The following COL8A1 variants were observed in gnomAD, a reference collection of about 807,000 sequenced individuals.
COL8A1 encodes collagen type VIII alpha 1 chain, also known as collagen alpha-1(VIII) chain.
COL8A1 carries 21 observed loss-of-function variants against 42.7 expected under a neutral mutation model. The ratio of observed to expected loss-of-function variants is 0.49; its 90% CI spans 0.35 to 0.71. The LOEUF is 0.71. COL8A1 is among the 30% of genes least tolerant of loss of function. The pLI is 0.01. For synonymous variants in COL8A1, 367 were observed against 369.1 expected, an observed-to-expected ratio of 0.99 and a Z score of 0.06; for missense variants, 788 against 962.4, an observed-to-expected ratio of 0.82 and a Z score of 2.40.
intron 1 of COL8A1, among the ~76,000 whole-genome samples, chr3:99,737,591 G>C (rs1576456714): frequency 1.3e-5 from 2 of 152,278 alleles, no homozygotes; most frequent in East Asian, 3.9e-4. Flanking sequence ...TCTGCCAAGA[G>C]ATCCGCTGTC....
intron 2 of COL8A1, among the ~76,000 whole-genome samples, chr3:99,780,419 GCACTGGGCTT>G (rs1244128961): frequency 6.6e-6 from 1 of 151,990 alleles, no homozygotes; most frequent in African/African-American, 2.4e-5. Context: ...CTTCCTTTAG[GCACTGGGCTT>G]CTACAACCCC....
chr3:99,791,518 T>C (rs1487668644), intron 3 of COL8A1, among the ~76,000 whole-genome samples: 5 of 152,218 alleles, frequency 3.3e-5, no homozygotes, highest in Non-Finnish European at 7.3e-5. Context: ...ATTACATATG[T>C]CAATCAATAG....
chr3:99,654,194 C>T (rs545325252), intron 1 of COL8A1, among the ~76,000 whole-genome samples: 10 of 152,222 alleles, frequency 6.6e-5, no homozygotes, highest in African/African-American at 2.2e-4. Flanking sequence ...CACCTTCTTC[C>T]GCCTGCTTTA....
chr3:99,646,879 A>G (rs1937654730), intron 1 of COL8A1, among the ~76,000 whole-genome samples: 1 of 152,338 alleles, frequency 6.6e-6, no homozygotes, highest in East Asian at 1.9e-4. Context: ...CTCACATACA[A>G]TACAGGGTTT....
chr3:99,796,134 T>TAAAAACAA lies in COL8A1; in HGVS notation c.*11_*18dup, dbSNP rs1318120744. On this transcript the variant is annotated frameshift_variant and stop_retained_variant, in exon 4 of 4. Transcript: ENST00000652472. LOFTEE classifies it high-confidence loss of function. ...TTCAGGATATTTATTGTATCCCATGTAAAAACAAAAAAACAAAAAACAAAG... is the reference window on the plus strand; with the variant it reads ...TTCAGGATATTTATTGTATCCCATGTAAAAACAAAAAAACAAAAAAACAAAAAACAAAG... 6.8e-7 allele frequency: 1 copy of TAAAAACAA among 1,463,294 alleles called. No individual in the cohort carries two copies. The highest frequency in any genetic ancestry group is 9.1e-7 in the Non-Finnish European group (1 of 1,102,486). The allele number at this position is 1,463,294 out of a possible 1,614,324, so 90.6% of individuals were successfully genotyped here.
intron 2 of COL8A1, among the ~76,000 whole-genome samples, chr3:99,760,996 C>A (rs1170955956): frequency 2.0e-5 from 3 of 152,002 alleles, no homozygotes; most frequent in Admixed American, 6.6e-5. Context: ...AAAATAGGAG[C>A]CAGATGAATT....
intron 1 of COL8A1, chr3:99,680,265 G>A (rs1267136412): frequency 2.6e-5 from 4 of 152,330 alleles, no homozygotes; most frequent in South Asian, 2.1e-4. Context: ...CTGTCTTTGC[G>A]ATAGTTTGCT....
chr3:99,798,618 A>ATATG lies in COL8A1; in HGVS notation c.*2483_*2484insATGT, dbSNP rs1414332316. Reference sequence around the variant, plus strand: ...CTCAATTGCCTATATATATATATATATGTGTGTGTGTGTGTGTGTGCGCGT... The same window carrying ATATG: ...CTCAATTGCCTATATATATATATATATATGTGTGTGTGTGTGTGTGTGTGCGCGT... On this transcript the variant is annotated 3_prime_UTR_variant, in exon 4 of 4. Transcript: ENST00000652472. 1.4e-5 allele frequency: 2 copies of ATATG among 141,152 alleles called. No individual in the cohort carries two copies. The highest frequency in any genetic ancestry group is 5.6e-5 in the African/African-American group (2 of 35,740). 8.7% of individuals were successfully genotyped at this position (141,152 alleles called of 1,614,324 possible). A position where few individuals can be genotyped will look rare whatever the true frequency, so the allele number is the denominator to read the frequency against.
intron 2 of COL8A1, among the ~76,000 whole-genome samples, chr3:99,766,625 A>T (rs1389581875): frequency 1.3e-5 from 2 of 152,126 alleles, no homozygotes; most frequent in Non-Finnish European, 2.9e-5. Flanking sequence ...ATTGGACTTG[A>T]CTCTCAGAAG....
At chr3:99,713,792 A>C (rs1183754442) in intron 1 of COL8A1, among the ~76,000 whole-genome samples, 1 of 152,248 alleles carries the variant, frequency 6.6e-6, no homozygotes, top group East Asian at 1.9e-4. Context: ...TGTGAAAAAA[A>C]AAATACAATT....
Position 99,794,905 on chromosome 3 carries a change from A to T in COL8A1, c.1004A>T (p.Glu335Val). The change falls in exon 4 of 4, where the codon GAG (glutamate) becomes GTG (valine). Residue 335 changes from glutamate (E) to valine (V), a missense_variant. Glu to Val is a moderately radical substitution (Grantham distance 121). Transcript: ENST00000652472. The surrounding 1 kb of genome is among the most constrained non-coding windows in gnomAD (Gnocchi z 4.3). The stretch of plus-strand genomic sequence containing the variant: ...CCAGGATTTCCAGGTGGCAAAGGGG[A>T]GCAAGGACTGCCAGGGCTACCAGGA... ...GQPGFPGGKGEQGLPGLPGPP... is the reference protein window; with the variant it reads ...GQPGFPGGKGVQGLPGLPGPP... 1 of 1,601,656 alleles carries T rather than the reference A, an allele frequency of 6.2e-7. No individual in the cohort carries two copies. Among genetic ancestry groups the T allele is most frequent in the Non-Finnish European group, 8.5e-7 (1 of 1,174,592 alleles).
At chr3:99,643,474 A>G (rs2107280994) in intron 1 of COL8A1, among the ~76,000 whole-genome samples, 1 of 152,346 alleles carries the variant, frequency 6.6e-6, no homozygotes, top group South Asian at 2.1e-4. Context: ...CTAAGTATAA[A>G]ATATCCATTT....
intron 1 of COL8A1, among the ~76,000 whole-genome samples, chr3:99,717,185 G>A (rs1011034370): frequency 6.6e-6 from 1 of 151,982 alleles, no homozygotes; most frequent in Non-Finnish European, 1.5e-5. Flanking sequence ...ATATTTATAT[G>A]AGGGGTTATT....
intron 2 of COL8A1, 76 bp from the exon 3 acceptor site, chr3:99,790,600 CCCCA>C: frequency 1.8e-6 from 2 of 1,125,132 alleles, no homozygotes; most frequent in Admixed American, 2.5e-5. Flanking sequence ...CCTTTTTTTT[CCCCA>C]TTCTATCTCT....
At position 99,795,352 on chromosome 3, in the gene COL8A1, A is replaced by G. The variant is rs1942082348; in HGVS notation, c.1451A>G (p.Glu484Gly). 2.5e-6 allele frequency: 4 copies of G among 1,590,550 alleles called. No homozygotes were observed. The highest frequency in any genetic ancestry group is 3.4e-6 in the Non-Finnish European group (4 of 1,168,078). The change falls in exon 4 of 4, where the codon GAG becomes GGG. Residue 484 changes from glutamate (E) to glycine (G), a missense_variant. By Grantham distance (98) the Glu-to-Gly change is moderately conservative. Around this residue, in one of 4 missense-constraint regions of COL8A1, gnomAD observed 154 missense variants for 182.3 expected, o/e 0.84. Transcript: ENST00000652472. ...GVPGLLGPKG[E>G]PGIPGDQGLQ... ...CCAGGGCTTCTCGGACCTAAGGGAG[A>G]GCCAGGAATCCCAGGGGATCAGGGT... is the stretch of plus-strand genomic sequence containing the variant.
At chr3:99,707,112 C>A (rs1441015424) in intron 1 of COL8A1, 2 of 152,038 alleles carry the variant, frequency 1.3e-5, no homozygotes, top group Non-Finnish European at 2.9e-5. Flanking sequence ...AAGAGGATAC[C>A]CTGAATATGT....
chr3:99,690,419 T>A (rs1218240462), intron 1 of COL8A1, among the ~76,000 whole-genome samples: 1 of 152,074 alleles, frequency 6.6e-6, no homozygotes, highest in Non-Finnish European at 1.5e-5. Flanking sequence ...TTAGAAAAAA[T>A]TTTATTTTCC....
At chr3:99,658,761 A>C (rs1576417429) in intron 1 of COL8A1, among the ~76,000 whole-genome samples, 2 of 152,254 alleles carry the variant, frequency 1.3e-5, no homozygotes, top group African/African-American at 4.8e-5. Context: ...TCAGAAAACA[A>C]GACGTCTTTA....
At chr3:99,783,749 G>A (rs1486656186) in intron 2 of COL8A1, among the ~76,000 whole-genome samples, 1 of 152,176 alleles carries the variant, frequency 6.6e-6, no homozygotes, top group Non-Finnish European at 1.5e-5. Flanking sequence ...CAAGGTGCGG[G>A]GTTTGGGGGG....
Sources: gnomAD v4.1 joint callset for allele counts (sites outside exome capture counted in the v4.1 genomes callset) on GRCh38, gnomAD v4.1.1 for gene constraint, gnomAD v4.1.1 regional missense constraint, Gnocchi (gnomAD v3.1) non-coding constraint, MANE v1.5 for transcripts, NCBI Gene and HGNC (gene_info 2026-07-23, HGNC 2026-07-21) for gene names.